The following HIVEP3 variants were observed in gnomAD, a reference collection of about 807,000 sequenced individuals.
The protein encoded by HIVEP3 is HIVEP zinc finger 3.
HIVEP3 carries 49 observed loss-of-function variants against 152.8 expected under a neutral mutation model. The observed-to-expected ratio is 0.32, with a 90% confidence interval of 0.26 to 0.41. HIVEP3 has a LOEUF of 0.41. Among genes scored for constraint, HIVEP3 ranks in the 10% least tolerant of loss-of-function variants. The pLI is 1.00. For missense variants in HIVEP3, 2,790 were observed against 3,103.3 expected (o/e 0.90, Z 2.40); for synonymous variants, 1,269 against 1,289.0 (o/e 0.98, Z 0.33).
intron 1 of HIVEP3, among the ~76,000 whole-genome samples, chr1:41,939,914 A>G (rs1465323034): frequency 6.7e-6 from 1 of 150,282 alleles, no homozygotes. Context: ...TTTATTTTTT[A>G]TTTCCCATTT....
intron 1 of HIVEP3, among the ~76,000 whole-genome samples, chr1:41,740,563 C>T (rs1157443892): frequency 6.6e-6 from 1 of 152,228 alleles, no homozygotes; most frequent in African/African-American, 2.4e-5. Flanking sequence ...CTGCCATATA[C>T]AGAGAGGCTG....
At chr1:41,854,672 C>A (rs1466454332) in intron 1 of HIVEP3, among the ~76,000 whole-genome samples, 2 of 87,504 alleles carry the variant, frequency 2.3e-5, no homozygotes, top group African/African-American at 1.1e-4. Flanking sequence ...TATCCCTCCC[C>A]CCTCCCCCGA....
chr1:41,788,077 C>T (rs1416624890), intron 1 of HIVEP3, among the ~76,000 whole-genome samples: 1 of 152,206 alleles, frequency 6.6e-6, no homozygotes, highest in African/African-American at 2.4e-5. Context: ...TCTGTCTACC[C>T]AGCCTCCCAC....
chr1:41,760,348 G>T (rs1156385825), intron 1 of HIVEP3, among the ~76,000 whole-genome samples: 7 of 152,182 alleles, frequency 4.6e-5, no homozygotes, highest in Non-Finnish European at 7.3e-5. Context: ...CACATTTTCA[G>T]CTTGCACCTG....
intron 1 of HIVEP3, among the ~76,000 whole-genome samples, chr1:41,976,834 G>A (rs1330815773): frequency 6.6e-6 from 1 of 152,156 alleles, no homozygotes. Context: ...GCCACAAGCC[G>A]AGGAATCCGC....
intron 1 of HIVEP3, among the ~76,000 whole-genome samples, chr1:41,875,596 C>T (rs971336398): frequency 3.3e-5 from 5 of 152,250 alleles, no homozygotes; most frequent in Admixed American, 6.5e-5. Flanking sequence ...CAGGGCTGCT[C>T]TCTGCAGCCT....
At chr1:41,711,964 C>A (rs1276518898) in intron 1 of HIVEP3, among the ~76,000 whole-genome samples, 2 of 152,186 alleles carry the variant, frequency 1.3e-5, no homozygotes, top group African/African-American at 4.8e-5. Context: ...GCAAACACAC[C>A]AAGGTGCAGG....
At chr1:41,876,376 G>A (rs1644171382) in intron 1 of HIVEP3, among the ~76,000 whole-genome samples, 1 of 152,076 alleles carries the variant, frequency 6.6e-6, no homozygotes, top group Non-Finnish European at 1.5e-5. Context: ...CTGCTGCTTG[G>A]TAGCTGTCAA....
chr1:41,742,357 T>C (rs1647009861), intron 1 of HIVEP3, among the ~76,000 whole-genome samples: 1 of 152,210 alleles, frequency 6.6e-6, no homozygotes, highest in Non-Finnish European at 1.5e-5. Flanking sequence ...AAAAAAGAGC[T>C]TCAACAGCTT....
chr1:41,997,708 A>G (rs184185240), intron 1 of HIVEP3, among the ~76,000 whole-genome samples: 14 of 152,366 alleles, frequency 9.2e-5, no homozygotes, highest in African/African-American at 3.4e-4. Context: ...AGAAGATGTG[A>G]AAATTACATC....
chr1:41,644,350 T>A (rs1341145634), intron 2 of HIVEP3, among the ~76,000 whole-genome samples: 1 of 152,136 alleles, frequency 6.6e-6, no homozygotes, highest in African/African-American at 2.4e-5. Context: ...ACCCCTACCA[T>A]TAACTGGCCA....
chr1:41,859,800 G>A (rs1222108103), intron 1 of HIVEP3, among the ~76,000 whole-genome samples: 1 of 152,200 alleles, frequency 6.6e-6, no homozygotes, highest in Non-Finnish European at 1.5e-5. Context: ...ATGACTAACA[G>A]TTTTTCATTT....
At chr1:41,576,115 G>C (rs960832752) in intron 4 of HIVEP3, among the ~76,000 whole-genome samples, 1 of 152,230 alleles carries the variant, frequency 6.6e-6, no homozygotes, top group Non-Finnish European at 1.5e-5. Flanking sequence ...TGCCTTTGGA[G>C]ATGAACTGGT....
chr1:41,545,336 TATC>T (rs1643735229), intron 5 of HIVEP3, among the ~76,000 whole-genome samples: 1 of 34,588 alleles, frequency 2.9e-5, no homozygotes, highest in African/African-American at 1.3e-4. Flanking sequence ...CCATCACCAC[TATC>T]ACCACCACCA....
intron 2 of HIVEP3, among the ~76,000 whole-genome samples, chr1:41,648,554 T>C (rs542820177): frequency 6.6e-6 from 1 of 152,348 alleles, no homozygotes; most frequent in African/African-American, 2.4e-5. Context: ...ATGTGTCCAA[T>C]TTGCCTCCTA....
rs370290191 is a variant in HIVEP3, at chr1:41,518,386, G to A, written c.5470+16C>T. 122 of 1,608,206 alleles carry A rather than the reference G, an allele frequency of 7.6e-5. No homozygotes were observed. The African/African-American group carries it at 1.5e-3, about 20-fold the overall frequency. The stretch of plus-strand genomic sequence containing the variant: ...GGACAAGGGGAAAGGGGACGGAGAA[G>A]GTTGGCAATTGTTACCTTCTTCGGC... On this transcript the variant is annotated intron_variant, in intron 7 of 8. Transcript: ENST00000372583.
rs1333680957 is a variant in HIVEP3, at chr1:41,644,964, T to C, written c.-720-16017A>G. Among the ~76,000 whole-genome samples, 6 of 152,296 alleles carry C rather than the reference T, an allele frequency of 3.9e-5. No homozygotes were observed. The East Asian group carries it at 1.2e-3, about 29-fold the overall frequency. The stretch of plus-strand genomic sequence containing the variant: ...TGTATTTTTATACAAGCTTTCTTCA[T>C]GCATGCAGAAACACTCTGACGCATG... On this transcript the variant is annotated intron_variant, in intron 2 of 8. Coordinates refer to ENST00000372583, the MANE Select transcript of HIVEP3 (RefSeq NM_024503.5).
intron 2 of HIVEP3, among the ~76,000 whole-genome samples, chr1:41,641,402 G>A (rs1349742107): frequency 6.6e-6 from 1 of 152,206 alleles, no homozygotes; most frequent in Non-Finnish European, 1.5e-5. Context: ...CCAGGCTTCT[G>A]GTCTAGATCT....
intron 1 of HIVEP3, among the ~76,000 whole-genome samples, chr1:41,864,107 T>C (rs1370213079): frequency 6.6e-6 from 1 of 152,182 alleles, no homozygotes; most frequent in African/African-American, 2.4e-5. Flanking sequence ...CGCTCTCCCC[T>C]ACAGACTCTC....
Sources: allele counts gnomAD v4.1 joint callset (sites outside exome capture counted in the v4.1 genomes callset), GRCh38; gene constraint gnomAD v4.1.1; transcripts MANE v1.5; gene names NCBI Gene and HGNC (gene_info 2026-07-23, HGNC 2026-07-21).